The following ZMYM2 variants were observed in gnomAD, a reference collection of about 807,000 sequenced individuals.
The protein encoded by ZMYM2 is zinc finger MYM-type containing 2, also known as zinc finger MYM-type protein 2.
ZMYM2 carries 56 observed loss-of-function variants against 162.8 expected under a neutral mutation model. The ratio of observed to expected loss-of-function variants is 0.34; its 90% CI spans 0.28 to 0.43. The LOEUF is 0.43. ZMYM2 is among the 20% of genes least tolerant of loss of function. The pLI is 1.00. For missense variants in ZMYM2, 1,275 were observed against 1,621.8 expected (o/e 0.79, Z 3.67); for synonymous variants, 510 against 541.6 (o/e 0.94, Z 0.81).
chr13:20,064,551 T>C lies in ZMYM2; in HGVS notation c.3132+6T>C, dbSNP rs1956524158. 1.3e-6 allele frequency: 2 copies of C among 1,565,784 alleles called. No individual in the cohort carries two copies. The highest frequency in any genetic ancestry group is 4.6e-5 in the East Asian group (2 of 43,200). On this transcript the variant is annotated splice_donor_region_variant and intron_variant, in intron 19 of 24. Coordinates refer to ENST00000610343, the MANE Select transcript of ZMYM2 (RefSeq NM_197968.4). Reference sequence around the variant, plus strand: ...GACCTCGATCTAAAAAAAAGGTACATTCACTTAATAGCCTATATAACAATA... The same window carrying C: ...GACCTCGATCTAAAAAAAAGGTACACTCACTTAATAGCCTATATAACAATA...
the ZMYM2 span, among the ~76,000 whole-genome samples, chr13:19,939,491 A>G: frequency 6.6e-6 from 1 of 152,214 alleles, no homozygotes; most frequent in Non-Finnish European, 1.5e-5. Flanking sequence ...CTACTAATTT[A>G]TACTTCAACT....
chr13:19,886,735 T>G, the ZMYM2 span, among the ~76,000 whole-genome samples: 1 of 151,334 alleles, frequency 6.6e-6, no homozygotes, highest in South Asian at 2.1e-4. Flanking sequence ...CTGCAACCTC[T>G]CCCTCCCAGG....
At chr13:19,981,809 A>G (rs1320843869) in intron 2 of ZMYM2, among the ~76,000 whole-genome samples, 1 of 150,840 alleles carries the variant, frequency 6.6e-6, no homozygotes, top group Non-Finnish European at 1.5e-5. Flanking sequence ...GATATCTTTC[A>G]TATCTTTACT....
At chr13:19,897,626 T>TA in the ZMYM2 span, among the ~76,000 whole-genome samples, 1 of 149,832 alleles carries the variant, frequency 6.7e-6, no homozygotes, top group African/African-American at 2.5e-5. Context: ...CAAACAAGAA[T>TA]AAAAAGAGAG....
At chr13:19,917,720 G>T in the ZMYM2 span, among the ~76,000 whole-genome samples, 12 of 151,818 alleles carry the variant, frequency 7.9e-5, no homozygotes, top group African/African-American at 1.2e-4. Flanking sequence ...CCAGATAGTT[G>T]TCTCCACTGT....
intron 21 of ZMYM2, among the ~76,000 whole-genome samples, chr13:20,077,483 G>T (rs568578589): frequency 6.6e-6 from 1 of 150,628 alleles, no homozygotes; most frequent in African/African-American, 2.5e-5. Context: ...TGTTATGCTC[G>T]TGTTGTATAC....
At chr13:20,034,948 A>G (rs981679012) in intron 11 of ZMYM2, among the ~76,000 whole-genome samples, 7 of 152,206 alleles carry the variant, frequency 4.6e-5, no homozygotes, top group Non-Finnish European at 8.8e-5. Context: ...CAGATTATAC[A>G]GATGAATTCA....
the ZMYM2 span, among the ~76,000 whole-genome samples, chr13:19,940,921 A>C: frequency 0.89 from 135,132 of 152,164 alleles, 60,707 homozygotes; most frequent in East Asian, 1. Flanking sequence ...ACACATTATT[A>C]CTGCCCTCCA....
At chr13:20,052,010 T>G (rs1593127435) in intron 13 of ZMYM2, among the ~76,000 whole-genome samples, 2 of 152,210 alleles carry the variant, frequency 1.3e-5, no homozygotes, top group Admixed American at 6.5e-5. Flanking sequence ...AAAATATCAT[T>G]TAAGATATAA....
intron 3 of ZMYM2, among the ~76,000 whole-genome samples, chr13:19,996,757 A>G (rs1468896011): frequency 6.6e-6 from 1 of 152,168 alleles, no homozygotes; most frequent in Non-Finnish European, 1.5e-5. Context: ...ATGGTGGTGC[A>G]CACCTGTAGC....
At chr13:20,015,181 AG>A (rs1951522481) in intron 6 of ZMYM2, among the ~76,000 whole-genome samples, 1 of 152,114 alleles carries the variant, frequency 6.6e-6, no homozygotes, top group Non-Finnish European at 1.5e-5. Context: ...CTCATCTCTA[AG>A]TATTTAAAAA....
intron 12 of ZMYM2, among the ~76,000 whole-genome samples, chr13:20,037,672 G>A (rs1953855044): frequency 6.6e-6 from 1 of 152,096 alleles, no homozygotes; most frequent in South Asian, 2.1e-4. Flanking sequence ...AGAACACTAA[G>A]TAGAGACCAG....
chr13:19,870,573 T>TTC, the ZMYM2 span, among the ~76,000 whole-genome samples: 1 of 136,284 alleles, frequency 7.3e-6, no homozygotes, highest in Non-Finnish European at 1.6e-5. Context: ...CTTCCTTCCT[T>TTC]CTTTCCTTTC....
chr13:19,863,965 C>T, the ZMYM2 span: 5 of 152,280 alleles, frequency 3.3e-5, no homozygotes, highest in African/African-American at 1.2e-4. Flanking sequence ...TAGCGGCCCG[C>T]TTCGGCCCCT....
intron 14 of ZMYM2, among the ~76,000 whole-genome samples, chr13:20,052,585 TTTAAGACAATGGCAATAGTATGTTTGAAA>T (rs1197751458): frequency 2.8e-4 from 42 of 152,264 alleles, no homozygotes; most frequent in South Asian, 4.1e-4. Flanking sequence ...TAGATGCATC[TTTAAGACAATGGCAATAGTATGTTTGAAA>T]TTAAGACAAT....
intron 3 of ZMYM2, among the ~76,000 whole-genome samples, chr13:20,000,950 A>G (rs1235782966): frequency 1.3e-5 from 2 of 152,242 alleles, no homozygotes; most frequent in African/African-American, 4.8e-5. Context: ...TTTGTAATTC[A>G]TGGGAGAAGG....
chr13:20,020,973 C>T (rs1246707953), intron 7 of ZMYM2, among the ~76,000 whole-genome samples: 1 of 149,836 alleles, frequency 6.7e-6, no homozygotes, highest in East Asian at 1.9e-4. Context: ...TCTTTGCCTA[C>T]TGTTTACTTT....
the ZMYM2 span, among the ~76,000 whole-genome samples, chr13:19,943,913 GGTAGA>G: frequency 6.6e-6 from 1 of 152,140 alleles, no homozygotes; most frequent in Non-Finnish European, 1.5e-5. Flanking sequence ...GAATTGTTGG[GGTAGA>G]GTAAATTATC....
At chr13:20,003,695 C>T (rs1484310210) in intron 4 of ZMYM2, among the ~76,000 whole-genome samples, 4 of 150,814 alleles carry the variant, frequency 2.7e-5, no homozygotes, top group African/African-American at 2.4e-5. Flanking sequence ...TGCAATGGTG[C>T]GATCTCAGCT....
Sources: gnomAD v4.1 joint callset for allele counts (sites outside exome capture counted in the v4.1 genomes callset) on GRCh38, gnomAD v4.1.1 for gene constraint, MANE v1.5 for transcripts, NCBI Gene and HGNC (gene_info 2026-07-23, HGNC 2026-07-21) for gene names.